Variants in MBNL3 observed in about 807,000 individuals in gnomAD.
MBNL3 encodes the protein muscleblind-like protein 3.
A neutral mutation model predicts 24.5 loss-of-function variants in MBNL3; 6 were observed. That is an observed-to-expected ratio of 0.25 (90% confidence interval 0.13 to 0.48). The LOEUF (loss-of-function observed/expected upper bound fraction) is 0.48. Among genes scored for constraint, MBNL3 ranks in the 20% least tolerant of loss-of-function variants. MBNL3 has a pLI of 0.99. For synonymous variants in MBNL3, 100 were observed against 101.7 expected (o/e 0.98, Z 0.10); for missense variants, 230 against 293.5 (o/e 0.78, Z 1.58).
chrX:132,414,379 C>T (rs1943102327), intron 2 of MBNL3, among the ~76,000 whole-genome samples: 1 of 111,924 alleles, frequency 8.9e-6, no homozygotes, highest in South Asian at 3.7e-4. Context: ...TGTTTATGGG[C>T]ATATCATAGA....
chrX:132,454,908 G>A (rs1020052340), intron 1 of MBNL3, among the ~76,000 whole-genome samples: 2 of 111,812 alleles, frequency 1.8e-5, no homozygotes, highest in Non-Finnish European at 3.8e-5. Flanking sequence ...TTCTTTAAAA[G>A]TTTCTAAAAT....
At chrX:132,391,978 A>T (rs1451565801) in intron 4 of MBNL3, among the ~76,000 whole-genome samples, 165 bp downstream of exon 4, 1 of 112,111 alleles carries the variant, frequency 8.9e-6, no homozygotes, top group Admixed American at 9.5e-5. Context: ...GAATCAATGC[A>T]CTTTATAACA....
intron 2 of MBNL3, among the ~76,000 whole-genome samples, chrX:132,413,177 C>T (rs373026587): frequency 1.8e-5 from 2 of 111,532 alleles, no homozygotes; most frequent in East Asian, 5.7e-4. Context: ...TTTCTGGACA[C>T]CCCATCCACT....
At chrX:132,463,838 A>C (rs1364627434) in intron 1 of MBNL3, among the ~76,000 whole-genome samples, 1 of 112,336 alleles carries the variant, frequency 8.9e-6, no homozygotes, top group Non-Finnish European at 1.9e-5. Flanking sequence ...TTTAGAAATA[A>C]ATAAATTTCT....
rs1340669702 is a variant in MBNL3 at position 132,396,511 on chromosome X, C to CCT, written c.343-4178_343-4177insAG. ...TCCTATATATATTCCTATATATATT[C>CCT]ATATATATTCATATATATATTCATA... On this transcript the variant is annotated intron_variant, in intron 3 of 8. Coordinates refer to ENST00000370853, the MANE Select transcript of MBNL3 (RefSeq NM_001386889.1). Among the ~76,000 whole-genome samples, 270 of 50,059 alleles carry CCT rather than the reference C, an allele frequency of 5.4e-3. 16 individuals carry two copies. Among genetic ancestry groups the CCT allele is most frequent in the African/African-American group, 0.048 (242 of 5,054 alleles). 43.5% of individuals were successfully genotyped at this position (50,059 alleles called of 115,157 possible). A position where few individuals can be genotyped will look rare whatever the true frequency, so the allele number is the denominator to read the frequency against.
intron 1 of MBNL3, among the ~76,000 whole-genome samples, chrX:132,469,952 T>C (rs1024501637): frequency 8.9e-6 from 1 of 111,993 alleles, no homozygotes; most frequent in Admixed American, 9.5e-5. Context: ...TTCATATAAA[T>C]TGAATCATAT....
chrX:132,413,658 A>C, intron 2 of MBNL3: 1 of 1,029,638 alleles, frequency 9.7e-7, no homozygotes, highest in Non-Finnish European at 1.3e-6. Context: ...CCTCCCACCA[A>C]AAGCTTCACA....
At chrX:132,424,396 G>C (rs1944102137) in intron 2 of MBNL3, among the ~76,000 whole-genome samples, 1 of 111,615 alleles carries the variant, frequency 9.0e-6, no homozygotes, top group African/African-American at 3.3e-5. Context: ...ACAGTGGGGA[G>C]ATCAAAGGTA....
intron 1 of MBNL3, among the ~76,000 whole-genome samples, chrX:132,447,983 G>C (rs958886729): frequency 8.9e-6 from 1 of 112,000 alleles, no homozygotes; most frequent in Admixed American, 9.5e-5. Context: ...TTTATCAAAG[G>C]CCTTTTCTGC....
rs757921023 is a variant in MBNL3, at chrX:132,386,688, G to A, written c.895C>T (p.Leu299Phe). The A allele has an allele frequency of 9.1e-6, 11 of 1,210,785 alleles. No homozygotes were observed. Among genetic ancestry groups the A allele is most frequent in the Non-Finnish European group, 6.7e-6 (6 of 895,471 alleles). ...HCQQALTNLQ[L>F]PQPAFIPAGP... ...GCAGGGATAAATGCCGGCTGTGGGA[G>A]CTGCAGGTTAGTCAGAGCCTGTTGG... Residue 299 changes from leucine (L) to phenylalanine (F), a missense_variant, in exon 6 of 9, where the codon CTC (leucine) becomes TTC (phenylalanine). Transcript: ENST00000370853.
In MBNL3 at chrX:132,382,244, G is replaced by A; in HGVS notation, c.987C>T (p.Thr329=). ...CAGGTGTTGTTGCTGCAGACACAGT[G>A]GTAGGTGTAGCACCGTGCATCATGG... ...IVPMMHGATP[T]TVSAATTPAT... The change falls in exon 8 of 9, where the codon ACC becomes ACT. Residue 329 remains threonine (T), a synonymous_variant. Transcript: ENST00000370853. The A allele has an allele frequency of 8.3e-7, 1 of 1,210,521 alleles. No homozygotes were observed. Among genetic ancestry groups the A allele is most frequent in the Non-Finnish European group, 1.1e-6 (1 of 894,670 alleles).
At chrX:132,481,376 A>T (rs1947726439) in intron 1 of MBNL3, among the ~76,000 whole-genome samples, 1 of 112,490 alleles carries the variant, frequency 8.9e-6, no homozygotes, top group Admixed American at 9.4e-5. Context: ...TATTGGAATA[A>T]AAGCCCACAT....
Position 132,391,031 on chromosome X carries a change from C to A in MBNL3, c.587G>T (p.Arg196Leu). The change falls in exon 5 of 9, where the codon CGC becomes CTC. Residue 196 changes from arginine to leucine, a missense_variant. By Grantham distance (102) the Arg-to-Leu change is moderately radical. Transcript: ENST00000370853. ...GNCTRGENDCRYAHPTDASMI... is the reference protein window; with the variant it reads ...GNCTRGENDCLYAHPTDASMI... ...GGAAGCATCAGTAGGGTGAGCATAG[C>A]GGCAATCATTCTCCCCACGGGTACA... 8.3e-7 allele frequency: 1 copy of A among 1,211,399 alleles called. No individual in the cohort carries two copies. Among genetic ancestry groups the A allele is most frequent in the Non-Finnish European group, 1.1e-6 (1 of 895,325 alleles).
chrX:132,483,034 A>C (rs149461380), intron 1 of MBNL3, among the ~76,000 whole-genome samples: 1,635 of 112,695 alleles, frequency 0.015, 25 homozygotes, highest in African/African-American at 0.05. Flanking sequence ...TGAGCTAATA[A>C]GGTTTCTCTT....
rs1333920625 is a variant in MBNL3 at position 132,392,244 on chromosome X, C to T, written c.433G>A (p.Ala145Thr). ...IPHPGMGLVP[A>T]ELVPNTPVLI... ...ACAGGTGTATTTGGTACAAGTTCTG[C>T]AGGAACGAGGCCCATCCCAGGATGT... The change falls in exon 4 of 9, where the codon GCA becomes ACA. Residue 145 changes from alanine to threonine, a missense_variant. By Grantham distance (58) the Ala-to-Thr change is moderately conservative. Transcript: ENST00000370853. 9 of 1,209,766 alleles carry T rather than the reference C, an allele frequency of 7.4e-6. No homozygotes were observed. Among genetic ancestry groups the T allele is most frequent in the Non-Finnish European group, 1.0e-5 (9 of 894,230 alleles).
At position 132,372,132 on chromosome X, in the gene MBNL3, C is replaced by T. The variant is rs1039483457; in HGVS notation, c.*7534G>A. ...ACTATAACTTGAAAAAAAATCAAAG[C>T]GTCTGCAGTTGAGGGAATGAGCTAT... is the stretch of plus-strand genomic sequence containing the variant. On this transcript the variant is annotated 3_prime_UTR_variant, in exon 9 of 9. Coordinates refer to ENST00000370853, the MANE Select transcript of MBNL3 (RefSeq NM_001386889.1). 3 of 110,538 alleles carry T rather than the reference C, an allele frequency of 2.7e-5. No individual in the cohort carries two copies. The highest frequency in any genetic ancestry group is 6.6e-5 in the African/African-American group (2 of 30,529). The allele number at this position is 110,538 out of a possible 1,213,427, so 9.1% of individuals were successfully genotyped here.
chrX:132,472,199 A>G (rs1381754337), intron 1 of MBNL3, among the ~76,000 whole-genome samples: 1 of 112,082 alleles, frequency 8.9e-6, no homozygotes, highest in Non-Finnish European at 1.9e-5. Flanking sequence ...TGGAAGAATC[A>G]AATTCCTGCC....
intron 1 of MBNL3, among the ~76,000 whole-genome samples, chrX:132,467,658 G>A (rs1038250049): frequency 2.7e-5 from 3 of 111,778 alleles, no homozygotes; most frequent in African/African-American, 9.8e-5. Context: ...AAGGTTAAAA[G>A]TGAAAAGTGA....
At chrX:132,386,235 G>A (rs1287533242) in intron 6 of MBNL3, among the ~76,000 whole-genome samples, 1 of 111,836 alleles carries the variant, frequency 8.9e-6, no homozygotes, top group Non-Finnish European at 1.9e-5. Context: ...TGCACTTAGG[G>A]TAGTTTTATT....
Sources: allele counts gnomAD v4.1 joint callset (sites outside exome capture counted in the v4.1 genomes callset), GRCh38; gene constraint gnomAD v4.1.1; transcripts MANE v1.5; gene names NCBI Gene and HGNC (gene_info 2026-07-23, HGNC 2026-07-21).